The following NFASC variants were observed in gnomAD, a reference collection of about 807,000 sequenced individuals.
NFASC encodes the protein neurofascin.
Under a neutral mutation model 147.5 loss-of-function variants are expected in NFASC, and 43 were observed. That is an observed-to-expected ratio of 0.29 (90% CI 0.23 to 0.38). NFASC has a LOEUF of 0.38. Among genes scored for constraint, NFASC ranks in the 10% least tolerant of loss-of-function variants. The pLI is 1.00. For missense variants in NFASC, 1,320 were observed against 1,689.0 expected, an observed-to-expected ratio of 0.78 and a Z score of 3.83; for synonymous variants, 622 against 665.5, an observed-to-expected ratio of 0.93 and a Z score of 1.01.
At chr1:204,857,540 G>C (rs1449556324) in intron 1 of NFASC, among the ~76,000 whole-genome samples, 2 of 152,208 alleles carry the variant, frequency 1.3e-5, no homozygotes, top group Non-Finnish European at 2.9e-5. Flanking sequence ...AGTGCCCTCT[G>C]TCTCCCCTGT....
chr1:204,949,525 A>G (rs2093977082), intron 3 of NFASC, among the ~76,000 whole-genome samples: 1 of 152,252 alleles, frequency 6.6e-6, no homozygotes, highest in African/African-American at 2.4e-5. Flanking sequence ...TGATATATTC[A>G]TCAGGAAAAA....
rs576340921 is a variant in NFASC at position 204,845,905 on chromosome 1, C to G, written c.-200+17123C>G. Among the ~76,000 whole-genome samples, 15 of 152,110 alleles carry G rather than the reference C, an allele frequency of 9.9e-5. No individual in the cohort carries two copies. In the South Asian group the frequency reaches 3.1e-3, roughly 32 times the overall value. On this transcript the variant is annotated intron_variant, in intron 1 of 29. Transcript: ENST00000339876. ...GGTAGGCTGAGACCTCTGACTCTTGCTCCCAATAAGCTCATGAGGTTATGG... is the reference window on the plus strand; with the variant it reads ...GGTAGGCTGAGACCTCTGACTCTTGGTCCCAATAAGCTCATGAGGTTATGG...
At position 204,828,695 on chromosome 1, in the gene NFASC, G is replaced by C; in HGVS notation, c.-287G>C. On this transcript the variant is annotated 5_prime_UTR_variant, in exon 1 of 30. Coordinates refer to ENST00000339876, the MANE Select transcript of NFASC (RefSeq NM_001005388.3). The stretch of plus-strand genomic sequence containing the variant: ...GCCCTAATGCGGCGGCTGGCGGCGA[G>C]AGGCGCTGCAGGGGACGCGGGGGAA... 1 of 985,366 alleles carries C rather than the reference G, an allele frequency of 1.0e-6. No individual in the cohort carries two copies. The highest frequency in any genetic ancestry group is 1.2e-6 in the Non-Finnish European group (1 of 830,042). The allele number at this position is 985,366 out of a possible 1,614,324, so 61.0% of individuals were successfully genotyped here. A position where few individuals can be genotyped will look rare whatever the true frequency, so the allele number is the denominator to read the frequency against.
At chr1:204,969,816 GCCTGTAAT>G (rs763513062) in intron 10 of NFASC, among the ~76,000 whole-genome samples, 3 of 152,148 alleles carry the variant, frequency 2.0e-5, no homozygotes, top group Non-Finnish European at 4.4e-5. Flanking sequence ...GGTGGCTCAT[GCCTGTAAT>G]CCTAGCACTT....
chr1:204,907,952 G>T (rs1416645264), intron 1 of NFASC, among the ~76,000 whole-genome samples: 1 of 152,010 alleles, frequency 6.6e-6, no homozygotes. Flanking sequence ...AAATGTGTGT[G>T]TGTGTGTGTG....
chr1:204,945,514 GCTGCCC>G (rs67594464), intron 3 of NFASC, among the ~76,000 whole-genome samples: 44,001 of 151,864 alleles, frequency 0.29, 6,452 homozygotes, highest in African/African-American at 0.32. Flanking sequence ...ACCCATAATA[GCTGCCC>G]CTGCCCCAGA....
At chr1:204,952,550 G>A (rs1011674842) in intron 5 of NFASC, among the ~76,000 whole-genome samples, 6 of 152,222 alleles carry the variant, frequency 3.9e-5, no homozygotes, top group East Asian at 1.9e-4. Flanking sequence ...GTGTGTGTCC[G>A]GGCTCTGTGT....
In NFASC at chr1:204,954,263, G is replaced by A; in HGVS notation, c.291G>A (p.Gly97=). 6.8e-6 allele frequency: 11 copies of A among 1,614,214 alleles called. No homozygotes were observed. Among genetic ancestry groups the A allele is most frequent in the Non-Finnish European group, 9.3e-6 (11 of 1,180,036 alleles). The change falls in exon 6 of 30, where the codon GGG becomes GGA. Residue 97 remains glycine (G), a synonymous_variant. Transcript: ENST00000339876. This position sits in a 1 kb window ranked among gnomAD's most constrained non-coding sequence, Gnocchi z 5.7. ...GGGTGTCCATGAGGAGGAGGTCTGG[G>A]ACCCTGGTGATTGACTTCCGCAGTG... is the stretch of plus-strand genomic sequence containing the variant. ...DPRVSMRRRS[G]TLVIDFRSGG...
intron 1 of NFASC, among the ~76,000 whole-genome samples, chr1:204,869,251 T>A (rs2077375427): frequency 6.6e-6 from 1 of 152,184 alleles, no homozygotes; most frequent in Admixed American, 6.5e-5. Flanking sequence ...CCCAAAGGGC[T>A]GCCCCGTGCA....
intron 13 of NFASC, 57 bp downstream of exon 13, chr1:204,974,347 T>G: frequency 2.2e-6 from 3 of 1,347,432 alleles, no homozygotes; most frequent in Non-Finnish European, 3.2e-6. Context: ...CATCTTCTCC[T>G]TCCCATCTGG....
chr1:204,962,890 A>T (rs1558270001), intron 8 of NFASC, among the ~76,000 whole-genome samples: 1 of 152,214 alleles, frequency 6.6e-6, no homozygotes, highest in Non-Finnish European at 1.5e-5. Flanking sequence ...CTGGTTGCTC[A>T]GTCTGATTAA....
chr1:204,957,956 A>AGGCACCATGAGC, intron 8 of NFASC, 130 bp downstream of exon 8: 2 of 803,656 alleles, frequency 2.5e-6, no homozygotes, highest in Non-Finnish European at 4.0e-6. Context: ...CTTCCAGCTC[A>AGGCACCATGAGC]TGGTGCCTGA....
Position 204,973,487 on chromosome 1 carries a change from T to A in NFASC, c.1279+68T>A, listed in dbSNP as rs548682068. The A allele has an allele frequency of 5.9e-5, 92 of 1,571,982 alleles. 1 individual carries two copies. The South Asian group carries it at 1.1e-3, about 18-fold the overall frequency. On this transcript the variant is annotated intron_variant, in intron 12 of 29. Transcript: ENST00000339876. Reference sequence around the variant, plus strand: ...ACTGCACAGTCGCCCTGGGGCTTGGTTATGTCGTGGGGCACACTTTCTTCT... The same window carrying A: ...ACTGCACAGTCGCCCTGGGGCTTGGATATGTCGTGGGGCACACTTTCTTCT...
intron 2 of NFASC, among the ~76,000 whole-genome samples, chr1:204,935,051 C>T (rs1478503468): frequency 6.6e-6 from 1 of 152,126 alleles, no homozygotes; most frequent in Non-Finnish European, 1.5e-5. Flanking sequence ...ATCTAGCACT[C>T]ATTATAGTGA....
chr1:204,834,317 C>T (rs1168452286), intron 1 of NFASC, among the ~76,000 whole-genome samples: 1 of 152,216 alleles, frequency 6.6e-6, no homozygotes, highest in South Asian at 2.1e-4. Flanking sequence ...CTGCAAGTTC[C>T]TGTCCCACAG....
chr1:204,955,907 G>GT (rs1462229275), intron 7 of NFASC, among the ~76,000 whole-genome samples: 1 of 152,178 alleles, frequency 6.6e-6, no homozygotes, highest in African/African-American at 2.4e-5. Context: ...AGGCAGCATT[G>GT]TAAGTTATTT....
Position 204,954,749 on chromosome 1 carries a change from C to T in NFASC, c.413-80C>T. On this transcript the variant is annotated intron_variant, in intron 6 of 29. Coordinates refer to ENST00000339876, the MANE Select transcript of NFASC (RefSeq NM_001005388.3). This position sits in a 1 kb window ranked among gnomAD's most constrained non-coding sequence, Gnocchi z 5.7. ...GTGCCCCTTCTGTTTCTCCTCCTTG[C>T]ATGCCTGCCTCTGACCCTGCTCCTT... 5.3e-6 allele frequency: 8 copies of T among 1,520,962 alleles called. No individual in the cohort carries two copies. Among genetic ancestry groups the T allele is most frequent in the Non-Finnish European group, 7.2e-6 (8 of 1,106,554 alleles). 94.2% of individuals were successfully genotyped at this position (1,520,962 alleles called of 1,614,324 possible). A position where few individuals can be genotyped will look rare whatever the true frequency, so the allele number is the denominator to read the frequency against.
At chr1:204,894,738 A>G (rs1043828075) in intron 1 of NFASC, among the ~76,000 whole-genome samples, 1 of 152,080 alleles carries the variant, frequency 6.6e-6, no homozygotes, top group Non-Finnish European at 1.5e-5. Flanking sequence ...GTCACCTTCA[A>G]GCTTGTTTTC....
chr1:204,922,585 A>T (rs533070982), intron 2 of NFASC, among the ~76,000 whole-genome samples: 23 of 152,278 alleles, frequency 1.5e-4, no homozygotes, highest in African/African-American at 4.6e-4. Context: ...GCTCTCTGAG[A>T]AGTTATTTCC....
Sources: allele counts gnomAD v4.1 joint callset (sites outside exome capture counted in the v4.1 genomes callset), GRCh38; gene constraint gnomAD v4.1.1; non-coding constraint Gnocchi (gnomAD v3.1); transcripts MANE v1.5; gene names NCBI Gene and HGNC (gene_info 2026-07-23, HGNC 2026-07-21).